The following SSBP3 variants were observed in gnomAD, a reference collection of about 807,000 sequenced individuals.
SSBP3 encodes single stranded DNA binding protein 3.
A neutral mutation model predicts 69.6 loss-of-function variants in SSBP3; 5 were observed. The observed-to-expected ratio is 0.07, with a 90% CI of 0.04 to 0.15. The LOEUF (loss-of-function observed/expected upper bound fraction) is 0.15. SSBP3 is among the 10% of genes least tolerant of loss of function. The pLI, the probability that SSBP3 is intolerant of heterozygous loss-of-function variation, is 1.00. For missense variants in SSBP3, 312 were observed against 534.0 expected (o/e 0.58, Z 4.10); for synonymous variants, 196 against 193.4 (o/e 1.01, Z -0.11).
chr1:54,389,278 G>C (rs1054280537), intron 4 of SSBP3, among the ~76,000 whole-genome samples: 1 of 152,132 alleles, frequency 6.6e-6, no homozygotes. Flanking sequence ...GTCCACAGGG[G>C]GTGGTAGGAG....
At chr1:54,343,339 C>A (rs1646640036) in intron 4 of SSBP3, among the ~76,000 whole-genome samples, 1 of 152,228 alleles carries the variant, frequency 6.6e-6, no homozygotes, top group East Asian at 1.9e-4. Context: ...CTTCACTTTG[C>A]TCATCTGTGA....
intron 10 of SSBP3, 86 bp from the exon 11 acceptor site, chr1:54,242,298 C>T: frequency 2.6e-6 from 4 of 1,510,516 alleles, no homozygotes; most frequent in Non-Finnish European, 3.7e-6. Flanking sequence ...AAGGAAAGGG[C>T]TGAAATCACA....
intron 4 of SSBP3, among the ~76,000 whole-genome samples, chr1:54,320,458 C>T (rs958129919): frequency 1.3e-5 from 2 of 150,504 alleles, no homozygotes; most frequent in Non-Finnish European, 2.9e-5. Flanking sequence ...GATGGGACTA[C>T]AGGTGCCCGC....
intron 4 of SSBP3, among the ~76,000 whole-genome samples, chr1:54,378,307 T>A (rs570540884): frequency 6.6e-6 from 1 of 152,370 alleles, no homozygotes; most frequent in East Asian, 1.9e-4. Context: ...TAAAGAGGAT[T>A]AAGACAATCA....
At chr1:54,405,799 G>A (rs986732734) in intron 1 of SSBP3, among the ~76,000 whole-genome samples, 154 bp downstream of exon 1, 6 of 149,848 alleles carry the variant, frequency 4.0e-5, no homozygotes, top group African/African-American at 9.8e-5. Flanking sequence ...GCCCGCCGCG[G>A]CCTCGGGGAA....
exon 1 of SSBP3, chr1:54,406,156 C>T (rs1649752053): frequency 3.7e-6 from 2 of 543,364 alleles, no homozygotes; most frequent in Non-Finnish European, 3.0e-6. Context: ...CGCCGCGCTC[C>T]CCTCCCTCCC....
chr1:54,390,926 C>T (rs955258928), intron 4 of SSBP3, among the ~76,000 whole-genome samples: 4 of 152,262 alleles, frequency 2.6e-5, no homozygotes, highest in Non-Finnish European at 4.4e-5. Context: ...CGGCAGTGCG[C>T]ACACGCCCGG....
At chr1:54,374,061 G>A (rs1647177828) in intron 4 of SSBP3, among the ~76,000 whole-genome samples, 1 of 152,178 alleles carries the variant, frequency 6.6e-6, no homozygotes. Flanking sequence ...GGGAAGAGGT[G>A]ACTAAAGGGC....
At position 54,290,760 on chromosome 1, in the gene SSBP3, G is replaced by A. The variant is rs78065925; in HGVS notation, c.277-9233C>T. Among the ~76,000 whole-genome samples the A allele has an allele frequency of 9.2e-5, 14 of 152,364 alleles. No homozygotes were observed. In the East Asian group the frequency reaches 2.7e-3, roughly 29 times the overall value. On this transcript the variant is annotated intron_variant, in intron 4 of 17. Transcript: ENST00000610401. ...CTCCCATCTGGGCCCCATGGCACAG[G>A]ACGCAGGTCCCAGGCATGTGCATGC... is the stretch of plus-strand genomic sequence containing the variant.
chr1:54,326,386 G>C (rs770641129), intron 4 of SSBP3: 1 of 152,654 alleles, frequency 6.6e-6, no homozygotes, highest in Non-Finnish European at 1.5e-5. Flanking sequence ...TTTGCAGCCA[G>C]GTCAGCCTCC....
At chr1:54,250,347 G>C (rs944206896) in intron 9 of SSBP3, among the ~76,000 whole-genome samples, 1 of 152,232 alleles carries the variant, frequency 6.6e-6, no homozygotes, top group African/African-American at 2.4e-5. Context: ...CCACCACAGA[G>C]AAGAAAGCGG....
chr1:54,268,165 G>A (rs747720706), intron 5 of SSBP3, among the ~76,000 whole-genome samples: 22 of 152,354 alleles, frequency 1.4e-4, no homozygotes, highest in Non-Finnish European at 1.5e-4. Flanking sequence ...AGATGGGCCC[G>A]GGATCCAGAC....
chr1:54,275,389 T>A (rs1271405812), intron 5 of SSBP3, among the ~76,000 whole-genome samples: 1 of 152,258 alleles, frequency 6.6e-6, no homozygotes, highest in African/African-American at 2.4e-5. Flanking sequence ...TGTCACAAAC[T>A]TGTCCTCGTC....
chr1:54,285,690 C>T (rs1645475808), intron 4 of SSBP3, among the ~76,000 whole-genome samples: 1 of 152,036 alleles, frequency 6.6e-6, no homozygotes, highest in Non-Finnish European at 1.5e-5. Flanking sequence ...GCTGGAGCTC[C>T]ATTAAGGCGC....
intron 4 of SSBP3, among the ~76,000 whole-genome samples, chr1:54,291,721 T>C (rs1052881365): frequency 1.3e-5 from 2 of 152,120 alleles, no homozygotes; most frequent in African/African-American, 4.8e-5. Context: ...GTTTAGCAAA[T>C]AAAGAATGAT....
intron 4 of SSBP3, among the ~76,000 whole-genome samples, chr1:54,365,494 C>T (rs147984179): frequency 5.5e-4 from 84 of 152,312 alleles, no homozygotes; most frequent in African/African-American, 2.0e-3. Flanking sequence ...ACAAGTGGGG[C>T]GCAGAAAAGC....
intron 4 of SSBP3, among the ~76,000 whole-genome samples, chr1:54,392,512 C>T (rs1213305584): frequency 6.6e-6 from 1 of 152,176 alleles, no homozygotes; most frequent in African/African-American, 2.4e-5. Flanking sequence ...CTGTGTAATA[C>T]GGTTGTTTCT....
chr1:54,413,277 A>G (rs559878806), intron 1 of SSBP3: 2 of 152,232 alleles, frequency 1.3e-5, no homozygotes, highest in African/African-American at 4.8e-5. Context: ...TAGTCAAACT[A>G]TTGCTGATAC....
intron 4 of SSBP3, among the ~76,000 whole-genome samples, chr1:54,305,328 G>A (rs1024734414): frequency 6.6e-6 from 1 of 152,054 alleles, no homozygotes; most frequent in Non-Finnish European, 1.5e-5. Context: ...CACAGCACCT[G>A]CCTAGCACAC....
Sources: allele counts gnomAD v4.1 joint callset (sites outside exome capture counted in the v4.1 genomes callset), GRCh38; gene constraint gnomAD v4.1.1; transcripts MANE v1.5; gene names NCBI Gene and HGNC (gene_info 2026-07-23, HGNC 2026-07-21).